The following PDE1C variants were observed in gnomAD, a reference collection of about 807,000 sequenced individuals.
The protein encoded by PDE1C is phosphodiesterase 1C, also known as dual specificity calcium/calmodulin-dependent 3',5'-cyclic nucleotide phosphodiesterase 1C.
PDE1C carries 62 observed loss-of-function variants against 93.1 expected under a neutral mutation model. That is an observed-to-expected ratio of 0.67 (90% CI 0.54 to 0.82). The LOEUF is 0.82. PDE1C is among the 40% of genes least tolerant of loss of function. PDE1C has a pLI of 0.00. For synonymous variants in PDE1C, 325 were observed against 310.1 expected, an observed-to-expected ratio of 1.05 and a Z score of -0.50; for missense variants, 742 against 884.6, an observed-to-expected ratio of 0.84 and a Z score of 2.04.
intron 2 of PDE1C, among the ~76,000 whole-genome samples, chr7:32,173,202 T>C (rs974663844): frequency 6.6e-6 from 1 of 152,200 alleles, no homozygotes; most frequent in African/African-American, 2.4e-5. Context: ...TGAGGTCATG[T>C]CCTTTGCAGG....
chr7:32,067,684 C>T (rs944131043), intron 1 of PDE1C, among the ~76,000 whole-genome samples: 3 of 152,176 alleles, frequency 2.0e-5, no homozygotes, highest in African/African-American at 7.2e-5. Context: ...CATTTCCCAC[C>T]TCAGTTTAGA....
chr7:32,307,845 C>G (rs1001515508), intron 1 of PDE1C, among the ~76,000 whole-genome samples: 1 of 152,190 alleles, frequency 6.6e-6, no homozygotes, highest in Non-Finnish European at 1.5e-5. Context: ...TCTGAGGTAC[C>G]GGGTTCATCT....
rs35138046 is a variant in PDE1C, at chr7:32,113,236, A to AATATATATATATATATAT, written c.308+56531_308+56548dup. 9.9e-3 allele frequency among the ~76,000 whole-genome samples: 926 copies of AATATATATATATATATAT among 93,742 alleles called. 17 individuals carry two copies. The highest frequency in any genetic ancestry group is 0.013 in the African/African-American group (279 of 21,850). 61.5% of individuals were successfully genotyped at this position (93,742 alleles called of 152,430 possible). ...TATAAATATAAATATATTGTCCTTAAATATATATATATATATATATATATA... is the reference window on the plus strand; with the variant it reads ...TATAAATATAAATATATTGTCCTTAAATATATATATATATATATATATATATATATATATATATATATA... On this transcript the variant is annotated intron_variant, in intron 3 of 18. Coordinates refer to the PDE1C transcript ENST00000396193.
chr7:31,749,534 T>A (rs1254623514), downstream of PDE1C, among the ~76,000 whole-genome samples: 2 of 152,178 alleles, frequency 1.3e-5, no homozygotes, highest in African/African-American at 4.8e-5. Flanking sequence ...GGTGAGCTTC[T>A]ACGCCTTGAA....
the PDE1C span, chr7:31,655,925 C>T: frequency 1.0e-6 from 1 of 985,440 alleles, no homozygotes; most frequent in Non-Finnish European, 1.2e-6. Context: ...TCTGCTTTAC[C>T]AGTCTCATTT....
At chr7:31,769,442 C>A (rs896922039) in intron 17 of PDE1C, among the ~76,000 whole-genome samples, 1 of 152,172 alleles carries the variant, frequency 6.6e-6, no homozygotes, top group Non-Finnish European at 1.5e-5. Context: ...TGGAGATGTA[C>A]TTTCCATCTA....
intron 7 of PDE1C, among the ~76,000 whole-genome samples, chr7:31,861,323 C>T (rs1794670884): frequency 6.6e-6 from 1 of 152,108 alleles, no homozygotes. Context: ...GGACTCACTT[C>T]AGAGCCCCTT....
upstream of PDE1C, among the ~76,000 whole-genome samples, chr7:32,301,176 TTTC>T (rs919962590): frequency 6.6e-6 from 1 of 152,006 alleles, no homozygotes; most frequent in African/African-American, 2.4e-5. Flanking sequence ...CCACCAAAGG[TTTC>T]TTATAGTTCC....
intron 2 of PDE1C, among the ~76,000 whole-genome samples, chr7:31,934,790 C>T (rs1044879375): frequency 1.3e-5 from 2 of 152,122 alleles, no homozygotes; most frequent in Non-Finnish European, 2.9e-5. Flanking sequence ...CTCTGTGAGT[C>T]ACTGATGCTC....
chr7:32,220,152 C>A (rs1806740391), intron 1 of PDE1C, among the ~76,000 whole-genome samples: 2 of 151,904 alleles, frequency 1.3e-5, no homozygotes. Context: ...TCTTTATCAG[C>A]AGTGTGAAAA....
chr7:32,092,225 G>C (rs1000518770), intron 3 of PDE1C, among the ~76,000 whole-genome samples: 1 of 152,110 alleles, frequency 6.6e-6, no homozygotes, highest in African/African-American at 2.4e-5. Context: ...AGGAAGGAAA[G>C]AGTTCCTTAA....
chr7:32,365,509 G>A (rs553915923), intron 1 of PDE1C, among the ~76,000 whole-genome samples: 20 of 152,232 alleles, frequency 1.3e-4, no homozygotes, highest in African/African-American at 4.3e-4. Context: ...TAGTACAGCC[G>A]AGAAGATATG....
At chr7:32,188,090 G>A (rs1211191954) in intron 2 of PDE1C, among the ~76,000 whole-genome samples, 2 of 152,044 alleles carry the variant, frequency 1.3e-5, no homozygotes, top group Non-Finnish European at 1.5e-5. Flanking sequence ...TTTCTCAGCT[G>A]TCTTATGCTA....
intron 1 of PDE1C, among the ~76,000 whole-genome samples, chr7:32,306,128 C>A (rs148935581): frequency 7.5e-4 from 114 of 152,268 alleles, no homozygotes; most frequent in African/African-American, 2.6e-3. Context: ...GTAAGACGTG[C>A]CTTTCACCTT....
At chr7:31,681,370 CGGATGGATGGAT>C in the PDE1C span, among the ~76,000 whole-genome samples, 3,956 of 52,616 alleles carry the variant, frequency 0.075, 145 homozygotes, top group African/African-American at 0.2. Context: ...GATGGATGGA[CGGATGGATGGAT>C]GGATGGATGG....
intron 1 of PDE1C, among the ~76,000 whole-genome samples, chr7:32,287,638 C>A (rs540168428): frequency 6.6e-6 from 1 of 152,328 alleles, no homozygotes; most frequent in South Asian, 2.1e-4. Flanking sequence ...TGAGTGGTTA[C>A]GACCCATGCG....
intron 1 of PDE1C, among the ~76,000 whole-genome samples, chr7:32,285,929 A>C (rs1375341036): frequency 2.0e-5 from 3 of 152,196 alleles, no homozygotes; most frequent in Non-Finnish European, 4.4e-5. Context: ...TAAATCTCTC[A>C]AACAGCACTT....
At chr7:32,187,437 C>G (rs1213111372) in intron 2 of PDE1C, among the ~76,000 whole-genome samples, 1 of 152,116 alleles carries the variant, frequency 6.6e-6, no homozygotes, top group Non-Finnish European at 1.5e-5. Flanking sequence ...TTCTTTCCCT[C>G]TACTCACTTT....
intron 2 of PDE1C, among the ~76,000 whole-genome samples, chr7:31,996,910 C>T (rs1379045369): frequency 6.6e-6 from 1 of 152,094 alleles, no homozygotes; most frequent in Non-Finnish European, 1.5e-5. Flanking sequence ...AGAATTACTG[C>T]AATTGAGCAC....
Sources: allele counts gnomAD v4.1 joint callset (sites outside exome capture counted in the v4.1 genomes callset), GRCh38; gene constraint gnomAD v4.1.1; transcripts MANE v1.5; gene names NCBI Gene and HGNC (gene_info 2026-07-23, HGNC 2026-07-21).